The following SUGCT variants were observed in gnomAD, a reference collection of about 807,000 sequenced individuals.
The protein encoded by SUGCT is succinyl-CoA:glutarate CoA-transferase.
SUGCT carries 41 observed loss-of-function variants against 55.0 expected under a neutral mutation model. The observed-to-expected ratio is 0.74, with a 90% CI of 0.58 to 0.97. SUGCT has a LOEUF of 0.97. Among genes scored for constraint, SUGCT ranks in the 50% least tolerant of loss-of-function variants. SUGCT has a pLI of 0.00. For missense variants in SUGCT, 568 were observed against 547.8 expected (o/e 1.04, Z -0.37); for synonymous variants, 187 against 200.4 (o/e 0.93, Z 0.56).
chr7:40,267,637 TG>T (rs1791688273), intron 7 of SUGCT, among the ~76,000 whole-genome samples: 1 of 152,168 alleles, frequency 6.6e-6, no homozygotes, highest in African/African-American at 2.4e-5. Flanking sequence ...CAGGGCTCTG[TG>T]GAGTTCCAGA....
intron 11 of SUGCT, among the ~76,000 whole-genome samples, chr7:40,473,124 C>T (rs56027885): frequency 0.029 from 4,468 of 152,260 alleles, 96 homozygotes; most frequent in Non-Finnish European, 0.048. Flanking sequence ...AGTGAATGTT[C>T]TGATGAAACA....
At chr7:40,816,424 G>T (rs1474106551) in intron 13 of SUGCT, among the ~76,000 whole-genome samples, 1 of 152,106 alleles carries the variant, frequency 6.6e-6, no homozygotes, top group African/African-American at 2.4e-5. Context: ...GAAACAAAGT[G>T]TTCCCCCTTG....
At chr7:40,343,379 T>G (rs1797151486) in intron 9 of SUGCT, among the ~76,000 whole-genome samples, 1 of 152,190 alleles carries the variant, frequency 6.6e-6, no homozygotes, top group African/African-American at 2.4e-5. Context: ...TAGAACAAAT[T>G]AATCAGACTT....
intron 12 of SUGCT, among the ~76,000 whole-genome samples, chr7:40,718,300 G>A (rs1786133996): frequency 6.6e-6 from 1 of 152,180 alleles, no homozygotes; most frequent in South Asian, 2.1e-4. Context: ...AACAATGTTT[G>A]AGAAGAAACC....
intron 7 of SUGCT, among the ~76,000 whole-genome samples, chr7:40,246,285 T>C (rs74887730): frequency 0.032 from 4,883 of 152,038 alleles, 283 homozygotes; most frequent in African/African-American, 0.11. Flanking sequence ...AGTCTTGCTT[T>C]GTCATCCAGG....
At chr7:40,722,071 T>A (rs1414777221) in intron 12 of SUGCT, among the ~76,000 whole-genome samples, 4 of 135,698 alleles carry the variant, frequency 2.9e-5, no homozygotes, top group Admixed American at 2.8e-4. Context: ...CTCCCAGTAA[T>A]TTTTTTTTTT....
Position 40,860,478 on chromosome 7 carries a change from G to A in SUGCT, c.1316G>A (p.Ter439=), listed in dbSNP as rs777295601. Residue 439 remains the stop codon, a stop_retained_variant, in exon 14 of 14, where the codon TGA becomes TAA. Transcript: ENST00000335693. ...GTGGTGGACCAACATGAAACTCACT[G>A]ACAAAGGAAAAGGGCTCTTCCTCAT... ...AGVVDQHETH[*] 5.6e-6 allele frequency: 9 copies of A among 1,608,852 alleles called. No individual in the cohort carries two copies. In the East Asian group the frequency reaches 2.0e-4, roughly 36 times the overall value.
At chr7:40,752,663 AG>A (rs1334115779) in intron 13 of SUGCT, among the ~76,000 whole-genome samples, 4 of 152,094 alleles carry the variant, frequency 2.6e-5, no homozygotes, top group Non-Finnish European at 5.9e-5. Context: ...GGCAAAAGCA[AG>A]TTTTAGGCTG....
chr7:40,277,934 C>T (rs796085212), intron 8 of SUGCT, among the ~76,000 whole-genome samples: 7 of 151,778 alleles, frequency 4.6e-5, no homozygotes, highest in Admixed American at 2.0e-4. Flanking sequence ...TGAGAACATG[C>T]GGTGTTTGGT....
chr7:40,739,614 T>C (rs945167644), intron 12 of SUGCT, among the ~76,000 whole-genome samples: 6 of 152,210 alleles, frequency 3.9e-5, no homozygotes, highest in African/African-American at 1.2e-4. Flanking sequence ...AGTTTCTTTT[T>C]TCCCCCCAGC....
At chr7:40,242,325 C>T (rs1789461620) in intron 7 of SUGCT, among the ~76,000 whole-genome samples, 1 of 152,016 alleles carries the variant, frequency 6.6e-6, no homozygotes, top group Non-Finnish European at 1.5e-5. Context: ...AGGCATGTGC[C>T]ACCATGCCTG....
intron 13 of SUGCT, among the ~76,000 whole-genome samples, chr7:40,753,046 T>A (rs4085302): frequency 6.6e-6 from 1 of 152,162 alleles, no homozygotes; most frequent in African/African-American, 2.4e-5. Context: ...GAATTCCTCA[T>A]GAGAGGGGAA....
chr7:40,321,070 C>G (rs1472767675), intron 9 of SUGCT, among the ~76,000 whole-genome samples: 2 of 147,444 alleles, frequency 1.4e-5, no homozygotes, highest in South Asian at 4.3e-4. Flanking sequence ...TTTTTTCTTT[C>G]TTTCTTTCTT....
At chr7:40,564,167 A>AT (rs1250359771) in intron 12 of SUGCT, among the ~76,000 whole-genome samples, 1 of 152,134 alleles carries the variant, frequency 6.6e-6, no homozygotes, top group African/African-American at 2.4e-5. Context: ...AGGTCAGGAG[A>AT]TCGAGACCAT....
At chr7:40,949,033 G>C in the SUGCT span, among the ~76,000 whole-genome samples, 1 of 152,180 alleles carries the variant, frequency 6.6e-6, no homozygotes, top group East Asian at 1.9e-4. Context: ...ATGCCACACT[G>C]TCTTCCACTA....
At chr7:40,508,388 G>C (rs1039817555) in intron 12 of SUGCT, among the ~76,000 whole-genome samples, 2 of 152,216 alleles carry the variant, frequency 1.3e-5, no homozygotes, top group Non-Finnish European at 1.5e-5. Context: ...CTAGAATATA[G>C]CTTCTGCAGC....
Position 40,307,817 on chromosome 7 carries a change from T to C in SUGCT, c.721-8943T>C, listed in dbSNP as rs544775154. Among the ~76,000 whole-genome samples, 21 of 150,178 alleles carry C rather than the reference T, an allele frequency of 1.4e-4. No homozygotes were observed. In the East Asian group the frequency reaches 4.1e-3, roughly 29 times the overall value. On this transcript the variant is annotated intron_variant, in intron 8 of 13. Transcript: ENST00000335693. Reference sequence around the variant, plus strand: ...TCAACCCTAGTTATTCTGAAAAAACTGTTCACCTTATGGTGTGAGGGAGAA... The same window carrying C: ...TCAACCCTAGTTATTCTGAAAAAACCGTTCACCTTATGGTGTGAGGGAGAA...
intron 7 of SUGCT, among the ~76,000 whole-genome samples, chr7:40,244,368 C>T (rs531475739): frequency 2.6e-5 from 4 of 151,944 alleles, no homozygotes; most frequent in Non-Finnish European, 2.9e-5. Flanking sequence ...AGGAATCAGG[C>T]GGTCTTAGGG....
chr7:40,506,362 G>A (rs533709700), intron 12 of SUGCT, among the ~76,000 whole-genome samples: 1 of 151,894 alleles, frequency 6.6e-6, no homozygotes, highest in African/African-American at 2.4e-5. Context: ...AAGTAATGTG[G>A]TAATCTTACT....
Sources: gnomAD v4.1 joint callset for allele counts (sites outside exome capture counted in the v4.1 genomes callset) on GRCh38, gnomAD v4.1.1 for gene constraint, MANE v1.5 for transcripts, NCBI Gene and HGNC (gene_info 2026-07-23, HGNC 2026-07-21) for gene names.